The following RETSAT variants were observed in gnomAD, a reference collection of about 807,000 sequenced individuals.
The protein encoded by RETSAT is retinol saturase.
In RETSAT, 35 loss-of-function variants were observed where a neutral mutation model predicts 61.6. That is an observed-to-expected ratio of 0.57 (90% CI 0.43 to 0.75). The LOEUF (loss-of-function observed/expected upper bound fraction) is 0.75, where lower values mean the gene tolerates loss of function less well. Ranked by LOEUF, RETSAT falls within the 30% of genes least tolerant of loss-of-function variation. The pLI is 0.00. For synonymous variants in RETSAT, 277 were observed against 310.4 expected, an observed-to-expected ratio of 0.89 and a Z score of 1.13; for missense variants, 670 against 759.5, an observed-to-expected ratio of 0.88 and a Z score of 1.38.
chr2:85,344,326 G>A lies in RETSAT; in HGVS notation c.1279C>T (p.Pro427Ser). ...ATGTGTTCCGCAGCCTCTTCCCTGG[G>A]CATGGAGACGTAGCGCTCCATCCTG... ...DQAMERYVSM[P>S]REEAAEHIPL... Residue 427 changes from proline to serine, a missense_variant, in exon 8 of 11, where the codon CCC becomes TCC. Coordinates refer to ENST00000295802, the MANE Select transcript of RETSAT (RefSeq NM_017750.4). 1 of 1,614,102 alleles carries A rather than the reference G, an allele frequency of 6.2e-7. No homozygotes were observed. Among genetic ancestry groups the A allele is most frequent in the Non-Finnish European group, 8.5e-7 (1 of 1,180,016 alleles).
At chr2:85,348,799 G>A (rs559237626) in intron 5 of RETSAT, among the ~76,000 whole-genome samples, 6 of 150,090 alleles carry the variant, frequency 4.0e-5, no homozygotes, top group East Asian at 3.9e-4. Flanking sequence ...CGCCCAGGCC[G>A]GAGTGCGGTG....
At position 85,343,930 on chromosome 2, in the gene RETSAT, CCT is replaced by C. The variant is rs373197903; in HGVS notation, c.1533+67_1533+68del. On this transcript the variant is annotated intron_variant, in intron 9 of 10. Coordinates refer to ENST00000295802, the MANE Select transcript of RETSAT (RefSeq NM_017750.4). ...GGCTCATGTCTTGGGGCCTGATTCC[CCT>C]GTCTCAAGGAAAGGGCAGAAACAGC... is the stretch of plus-strand genomic sequence containing the variant. 6.9e-4 allele frequency: 1,095 copies of C among 1,594,460 alleles called. 4 individuals carry two copies. Among genetic ancestry groups the C allele is most frequent in the African/African-American group, 1.6e-3 (123 of 74,554 alleles).
At position 85,343,600 on chromosome 2, in the gene RETSAT, A is replaced by C. The variant is rs374802488; in HGVS notation, c.1693+39T>G. ...AGAGGACGTTGGGCGACAGGGGCCC[A>C]GGGTCTCAGGTCCTGACAACATGGG... On this transcript the variant is annotated intron_variant, in intron 10 of 10. Coordinates refer to ENST00000295802, the MANE Select transcript of RETSAT (RefSeq NM_017750.4). 3.1e-6 allele frequency: 5 copies of C among 1,610,220 alleles called. No individual in the cohort carries two copies. The African/African-American group carries it at 6.7e-5, about 22-fold the overall frequency.
rs1683117241 is a variant in RETSAT, at chr2:85,343,219, C to T, written c.*23G>A. 6.2e-7 allele frequency: 1 copy of T among 1,611,680 alleles called. No individual in the cohort carries two copies. Among genetic ancestry groups the T allele is most frequent in the Non-Finnish European group, 8.5e-7 (1 of 1,178,240 alleles). ...AGATGCCCCAGCCATTGGGCAAATT[C>T]CTCTGACTCCTCCCTGATGGAACTA... On this transcript the variant is annotated 3_prime_UTR_variant, in exon 11 of 11. Transcript: ENST00000295802.
chr2:85,344,775 A>G (rs777573898), intron 6 of RETSAT, 43 bp from the exon 7 acceptor site: 1 of 1,601,496 alleles, frequency 6.2e-7, no homozygotes, highest in South Asian at 1.1e-5. Context: ...CCATGGCCGG[A>G]GACGGCCACT....
At chr2:85,351,525 T>C (rs534454487) in intron 2 of RETSAT, 155 bp downstream of exon 2, 1 of 733,422 alleles carries the variant, frequency 1.4e-6, no homozygotes, top group Admixed American at 3.1e-5. Flanking sequence ...GGTGATGAAG[T>C]GAGACTCTGT....
Position 85,342,031 on chromosome 2 carries a change from T to G in RETSAT, c.*1211A>C, listed in dbSNP as rs1033404140. ...TCAGTATATAGTGTTTTACTGAGCTTCTGCAAATGCCATCACAATAATAGT... is the reference window on the plus strand; with the variant it reads ...TCAGTATATAGTGTTTTACTGAGCTGCTGCAAATGCCATCACAATAATAGT... On this transcript the variant is annotated 3_prime_UTR_variant, in exon 11 of 11. Transcript: ENST00000295802. 19 of 463,046 alleles carry G rather than the reference T, an allele frequency of 4.1e-5. No individual in the cohort carries two copies. Among genetic ancestry groups the G allele is most frequent in the Non-Finnish European group, 6.5e-5 (17 of 262,656 alleles). The allele number at this position is 463,046 out of a possible 1,614,324, so 28.7% of individuals were successfully genotyped here. A position where few individuals can be genotyped will look rare whatever the true frequency, so the allele number is the denominator to read the frequency against.
At position 85,351,678 on chromosome 2, in the gene RETSAT, ACC is replaced by A. The variant is rs776247102; in HGVS notation, c.355_355+1del. The A allele has an allele frequency of 4.3e-6, 7 of 1,613,568 alleles. No homozygotes were observed. The South Asian group carries it at 7.7e-5, about 18-fold the overall frequency. ...CCCAACCCTTTTCCACACAAGCCTT[ACC>A]TGTGTCAAATTCAAGGCCATTCTTT... On this transcript the variant is annotated splice_donor_variant and coding_sequence_variant, in exon 2 of 11. Transcript: ENST00000295802. LOFTEE classifies it high-confidence loss of function.
rs776375743 is a variant in RETSAT, at chr2:85,344,635, G to A, written c.1215C>T (p.Ser405=). The A allele has an allele frequency of 2.5e-6, 4 of 1,614,220 alleles. No individual in the cohort carries two copies. In the South Asian group the frequency reaches 3.3e-5, roughly 13 times the overall value. Residue 405 remains serine, a synonymous_variant, in exon 7 of 11, where the codon TCC becomes TCT. Transcript: ENST00000295802. ...TGTCATAGTAAACATAGTAGTTGGT[G>A]GACGGCAGATGCAGGTCTTCCTTGG... ...RGTKEDLHLP[S]TNYYVYYDTD...
intron 6 of RETSAT, among the ~76,000 whole-genome samples, chr2:85,345,206 G>T (rs895596845): frequency 7.9e-5 from 12 of 152,188 alleles, no homozygotes; most frequent in African/African-American, 2.9e-4. Context: ...AGCCACGCAG[G>T]GTGAAGGAAG....
chr2:85,347,181 C>G (rs1440540269), intron 5 of RETSAT, among the ~76,000 whole-genome samples: 1 of 152,092 alleles, frequency 6.6e-6, no homozygotes, highest in African/African-American at 2.4e-5. Context: ...TTCCACCGTG[C>G]TGTCTGTTAT....
chr2:85,347,911 T>C (rs941892619), intron 5 of RETSAT, among the ~76,000 whole-genome samples: 1 of 152,196 alleles, frequency 6.6e-6, no homozygotes, highest in Non-Finnish European at 1.5e-5. Flanking sequence ...CCTTCATTTT[T>C]CATTTTGCAC....
At position 85,343,156 on chromosome 2, in the gene RETSAT, G is replaced by C; in HGVS notation, c.*86C>G. On this transcript the variant is annotated 3_prime_UTR_variant, in exon 11 of 11. Transcript: ENST00000295802. ...AAATTAGAGTGCTTTATACGTGCAA[G>C]GAACTAATGCAGAAAGACATTATGG... 1 of 1,554,864 alleles carries C rather than the reference G, an allele frequency of 6.4e-7. No homozygotes were observed. Among genetic ancestry groups the C allele is most frequent in the South Asian group, 1.2e-5 (1 of 83,852 alleles).
intron 5 of RETSAT, among the ~76,000 whole-genome samples, chr2:85,348,721 G>C (rs932768363): frequency 1.3e-5 from 2 of 151,362 alleles, no homozygotes; most frequent in South Asian, 4.2e-4. Context: ...TGTTCTTTGG[G>C]GACCATGCAA....
intron 6 of RETSAT, 162 bp downstream of exon 6, chr2:85,345,813 G>A: frequency 1.2e-6 from 1 of 868,524 alleles, no homozygotes; most frequent in Non-Finnish European, 1.9e-6. Flanking sequence ...TTAAATGCTA[G>A]GGTTAGGATG....
chr2:85,354,247 T>A, intron 1 of RETSAT, 89 bp downstream of exon 1: 1 of 1,431,942 alleles, frequency 7.0e-7, no homozygotes, highest in Non-Finnish European at 9.7e-7. Context: ...AAGGCCCACG[T>A]CTGGTAGCGG....
At position 85,343,488 on chromosome 2, in the gene RETSAT, C is replaced by T; in HGVS notation, c.1694-107G>A. The T allele has an allele frequency of 3.3e-6, 5 of 1,530,188 alleles. No individual in the cohort carries two copies. The South Asian group carries it at 3.7e-5, about 11-fold the overall frequency. 94.8% of individuals were successfully genotyped at this position (1,530,188 alleles called of 1,614,324 possible). ...CATGAGGGCCACCCAGAGCTGGCTCCAATCAGACAGGGGCCACAGCCTGCC... is the reference window on the plus strand; with the variant it reads ...CATGAGGGCCACCCAGAGCTGGCTCTAATCAGACAGGGGCCACAGCCTGCC... On this transcript the variant is annotated intron_variant, in intron 10 of 10. Transcript: ENST00000295802.
chr2:85,352,255 A>G (rs1002610473), intron 1 of RETSAT, among the ~76,000 whole-genome samples: 2 of 150,832 alleles, frequency 1.3e-5, no homozygotes, highest in African/African-American at 4.9e-5. Flanking sequence ...GTGTTTAATT[A>G]TTTTTTAAGA....
At chr2:85,347,806 C>A (rs1419408775) in intron 5 of RETSAT, among the ~76,000 whole-genome samples, 1 of 152,220 alleles carries the variant, frequency 6.6e-6, no homozygotes, top group African/African-American at 2.4e-5. Flanking sequence ...TCAGAGAAAA[C>A]CTTGCCCAAC....
Sources: allele counts gnomAD v4.1 joint callset (sites outside exome capture counted in the v4.1 genomes callset), GRCh38; gene constraint gnomAD v4.1.1; transcripts MANE v1.5; gene names NCBI Gene and HGNC (gene_info 2026-07-23, HGNC 2026-07-21).